Variants in SUPT3H observed in about 807,000 individuals in gnomAD.
The protein encoded by SUPT3H is SPT3 homolog, SAGA and STAGA complex component.
Under a neutral mutation model 44.3 loss-of-function variants are expected in SUPT3H, and 44 were observed. The ratio of observed to expected loss-of-function variants is 0.99; its 90% CI spans 0.78 to 1.28. The LOEUF (loss-of-function observed/expected upper bound fraction) is 1.28. SUPT3H is among the 50% of genes most tolerant of loss of function. The pLI is 0.00. For missense variants in SUPT3H, 380 were observed against 387.1 expected, an observed-to-expected ratio of 0.98 and a Z score of 0.15; for synonymous variants, 124 against 125.6, an observed-to-expected ratio of 0.99 and a Z score of 0.09.
chr6:45,176,125 G>C (rs561623604), intron 2 of SUPT3H, among the ~76,000 whole-genome samples: 1 of 152,030 alleles, frequency 6.6e-6, no homozygotes, highest in Non-Finnish European at 1.5e-5. Flanking sequence ...CGTGAGCGAC[G>C]CAGAAGACGG....
chr6:45,197,448 G>A lies in SUPT3H; in HGVS notation c.102-91442C>T, dbSNP rs73735308. 6.0e-3 allele frequency among the ~76,000 whole-genome samples: 916 copies of A among 151,414 alleles called. 14 individuals are homozygous for A. The highest frequency in any genetic ancestry group is 0.021 in the African/African-American group (874 of 41,484). On this transcript the variant is annotated intron_variant, in intron 2 of 10. Coordinates refer to ENST00000371459, the MANE Select transcript of SUPT3H (RefSeq NM_003599.4). Reference sequence around the variant, plus strand: ...TTCTTTACATACATTGTTACTAAGTGCATTTAACCAATAAACATTTTTCAA... The same window carrying A: ...TTCTTTACATACATTGTTACTAAGTACATTTAACCAATAAACATTTTTCAA...
intron 2 of SUPT3H, among the ~76,000 whole-genome samples, chr6:45,330,365 A>G (rs1464074772): frequency 6.6e-6 from 1 of 152,020 alleles, no homozygotes; most frequent in Non-Finnish European, 1.5e-5. Context: ...AGATAAAAGG[A>G]AAAAGAATAG....
chr6:44,878,198 G>C (rs1777607239), intron 10 of SUPT3H, among the ~76,000 whole-genome samples: 1 of 152,166 alleles, frequency 6.6e-6, no homozygotes, highest in South Asian at 2.1e-4. Context: ...AAGTAATATA[G>C]AGCAGTGTTG....
At chr6:45,263,470 G>A (rs1335379295) in intron 2 of SUPT3H, among the ~76,000 whole-genome samples, 1 of 152,082 alleles carries the variant, frequency 6.6e-6, no homozygotes, top group Non-Finnish European at 1.5e-5. Flanking sequence ...AACAGAAGGT[G>A]GAAACTTCTA....
chr6:45,248,659 G>A (rs565662005), intron 2 of SUPT3H, among the ~76,000 whole-genome samples: 1 of 152,280 alleles, frequency 6.6e-6, no homozygotes, highest in East Asian at 1.9e-4. Context: ...GCTCTTGCCT[G>A]TAATCCCAGC....
chr6:45,306,982 G>A lies in SUPT3H; in HGVS notation c.101+58219C>T, dbSNP rs140359041. Among the ~76,000 whole-genome samples, 62 of 152,342 alleles carry A rather than the reference G, an allele frequency of 4.1e-4. 2 individuals carry two copies. The East Asian group carries it at 0.012, about 29-fold the overall frequency. ...ACACAGGAGATTATATCCCGCACCT[G>A]GCTCAGAAGGTCCCAGGCCCACGGA... is the stretch of plus-strand genomic sequence containing the variant. On this transcript the variant is annotated intron_variant, in intron 2 of 10. Coordinates refer to ENST00000371459, the MANE Select transcript of SUPT3H (RefSeq NM_003599.4).
At chr6:45,283,384 G>C (rs901713240) in intron 2 of SUPT3H, among the ~76,000 whole-genome samples, 7 of 152,110 alleles carry the variant, frequency 4.6e-5, no homozygotes, top group Admixed American at 1.3e-4. Context: ...TAAAGGGATG[G>C]AGGAAGATCT....
chr6:45,179,686 T>A (rs1377968796), intron 2 of SUPT3H, among the ~76,000 whole-genome samples: 1 of 152,208 alleles, frequency 6.6e-6, no homozygotes. Context: ...CAACGCTTCA[T>A]GCTAAAAACT....
intron 10 of SUPT3H, among the ~76,000 whole-genome samples, chr6:44,895,688 G>T (rs949088204): frequency 1.3e-5 from 2 of 152,048 alleles, no homozygotes; most frequent in Non-Finnish European, 2.9e-5. Flanking sequence ...TGCAGTGAAG[G>T]GAATGGGATT....
At chr6:45,236,496 G>C (rs750605113) in intron 2 of SUPT3H, among the ~76,000 whole-genome samples, 1 of 152,092 alleles carries the variant, frequency 6.6e-6, no homozygotes, top group Non-Finnish European at 1.5e-5. Flanking sequence ...GCCAGGTAAA[G>C]CTAAAGTGGC....
At chr6:45,175,338 G>A (rs946362837) in intron 2 of SUPT3H, among the ~76,000 whole-genome samples, 4 of 152,130 alleles carry the variant, frequency 2.6e-5, no homozygotes, top group South Asian at 2.1e-4. Flanking sequence ...GAGGCCGCAG[G>A]AAACTTACAG....
At chr6:44,907,228 T>C (rs1392253123) in intron 10 of SUPT3H, among the ~76,000 whole-genome samples, 1 of 152,230 alleles carries the variant, frequency 6.6e-6, no homozygotes, top group Non-Finnish European at 1.5e-5. Context: ...TTAATCTGAG[T>C]AATTTTTCAC....
At chr6:44,928,509 T>C (rs894640310) in intron 10 of SUPT3H, among the ~76,000 whole-genome samples, 3 of 152,116 alleles carry the variant, frequency 2.0e-5, no homozygotes, top group Non-Finnish European at 4.4e-5. Flanking sequence ...TTTAATTTAA[T>C]CTAATGAATA....
chr6:45,310,278 G>A (rs1030117047), intron 2 of SUPT3H, among the ~76,000 whole-genome samples: 4 of 151,966 alleles, frequency 2.6e-5, no homozygotes, highest in Non-Finnish European at 4.4e-5. Flanking sequence ...ACAGCAAGAC[G>A]GCCCAAGTAG....
At chr6:45,054,509 T>G (rs1338759489) in intron 3 of SUPT3H, among the ~76,000 whole-genome samples, 1 of 152,230 alleles carries the variant, frequency 6.6e-6, no homozygotes, top group Non-Finnish European at 1.5e-5. Context: ...TTCTGAAGGC[T>G]CCTGTGTCAT....
chr6:45,050,002 C>T (rs1478525925), intron 3 of SUPT3H, among the ~76,000 whole-genome samples: 1 of 152,096 alleles, frequency 6.6e-6, no homozygotes, highest in Non-Finnish European at 1.5e-5. Context: ...GCAGAATGTT[C>T]TGGGGAAAAT....
intron 3 of SUPT3H, among the ~76,000 whole-genome samples, chr6:45,043,934 G>A (rs1180100853): frequency 6.6e-6 from 1 of 152,092 alleles, no homozygotes; most frequent in African/African-American, 2.4e-5. Context: ...CTAAAAATGA[G>A]AAACTCAGAA....
chr6:45,255,421 T>TG (rs1423949227), intron 2 of SUPT3H, among the ~76,000 whole-genome samples: 6 of 149,130 alleles, frequency 4.0e-5, no homozygotes, highest in Non-Finnish European at 6.0e-5. Flanking sequence ...ATAATAGGTT[T>TG]TTTTTTTTTT....
intron 2 of SUPT3H, among the ~76,000 whole-genome samples, chr6:45,198,989 G>A (rs1289564011): frequency 6.6e-6 from 1 of 151,130 alleles, no homozygotes; most frequent in Non-Finnish European, 1.5e-5. Context: ...ACAAATATCT[G>A]TGCTATTTTA....
Sources: allele counts gnomAD v4.1 joint callset (sites outside exome capture counted in the v4.1 genomes callset), GRCh38; gene constraint gnomAD v4.1.1; transcripts MANE v1.5; gene names NCBI Gene and HGNC (gene_info 2026-07-23, HGNC 2026-07-21).